EEIG2: variants seen among roughly 807,000 people sequenced by gnomAD.
EEIG2 encodes family with sequence similarity 102 member B.
the EEIG2 span, among the ~76,000 whole-genome samples, chr1:108,613,740 T>TTCTCTATA: frequency 3.7e-4 from 57 of 152,070 alleles, no homozygotes; most frequent in Non-Finnish European, 6.6e-4. Context: ...CTCACAGTTT[T>TTCTCTATA]TCTCTATATC....
chr1:108,562,314 G>A, the EEIG2 span, among the ~76,000 whole-genome samples: 1 of 151,978 alleles, frequency 6.6e-6, no homozygotes, highest in African/African-American at 2.4e-5. Flanking sequence ...ATGAGCAAGG[G>A]GTATACTCCG....
At chr1:108,607,360 A>G in the EEIG2 span, among the ~76,000 whole-genome samples, 19 of 152,186 alleles carry the variant, frequency 1.2e-4, no homozygotes, top group African/African-American at 4.6e-4. Flanking sequence ...GGGTTTTCCC[A>G]TACCTTTCAT....
chr1:108,564,461 T>A, the EEIG2 span, among the ~76,000 whole-genome samples: 1 of 152,028 alleles, frequency 6.6e-6, no homozygotes, highest in East Asian at 1.9e-4. Flanking sequence ...TTGCATATGG[T>A]GGTGGAAGAT....
At chr1:108,560,487 C>T in the EEIG2 span, 1 of 1,613,500 alleles carries the variant, frequency 6.2e-7, no homozygotes, top group Non-Finnish European at 8.5e-7. Flanking sequence ...GAGCTCTCCT[C>T]AGTGCCCTTC....
At chr1:108,576,631 A>C in the EEIG2 span, among the ~76,000 whole-genome samples, 3 of 145,320 alleles carry the variant, frequency 2.1e-5, no homozygotes, top group South Asian at 2.3e-4. Context: ...TGAACTCATC[A>C]TTTTTTATGG....
the EEIG2 span, chr1:108,628,656 A>G: frequency 6.3e-7 from 1 of 1,592,712 alleles, no homozygotes. Context: ...TAAAAAGGAA[A>G]AAATGTAATT....
chr1:108,596,187 T>C, the EEIG2 span, among the ~76,000 whole-genome samples: 1 of 151,928 alleles, frequency 6.6e-6, no homozygotes, highest in Non-Finnish European at 1.5e-5. Flanking sequence ...TTTTTTTTTT[T>C]TAGCAATTAG....
the EEIG2 span, chr1:108,635,018 G>C: frequency 1.7e-6 from 2 of 1,210,646 alleles, no homozygotes; most frequent in South Asian, 2.6e-5. Context: ...AAAATACCCA[G>C]TGCCCCATCT....
the EEIG2 span, among the ~76,000 whole-genome samples, chr1:108,590,713 G>A: frequency 7.4e-3 from 1,127 of 152,094 alleles, 22 homozygotes; most frequent in African/African-American, 0.026. Context: ...AATACTATCT[G>A]GCAAACAGTT....
At chr1:108,615,898 A>G in the EEIG2 span, among the ~76,000 whole-genome samples, 1 of 152,164 alleles carries the variant, frequency 6.6e-6, no homozygotes, top group Non-Finnish European at 1.5e-5. Context: ...CAACGTGGCA[A>G]CTTGAAGGAA....
chr1:108,624,323 T>C, the EEIG2 span, among the ~76,000 whole-genome samples: 2 of 151,972 alleles, frequency 1.3e-5, no homozygotes, highest in Non-Finnish European at 2.9e-5. Flanking sequence ...AAAGGTGCTG[T>C]CCTGAGTTGA....
chr1:108,586,475 A>G, the EEIG2 span, among the ~76,000 whole-genome samples: 6 of 152,142 alleles, frequency 3.9e-5, no homozygotes, highest in Admixed American at 1.3e-4. Context: ...GAGAATAATT[A>G]CAAATTACTT....
At chr1:108,632,783 G>A in the EEIG2 span, among the ~76,000 whole-genome samples, 1 of 152,054 alleles carries the variant, frequency 6.6e-6, no homozygotes, top group Non-Finnish European at 1.5e-5. Flanking sequence ...CAGAACAGCA[G>A]AAAAGGTAGT....
the EEIG2 span, among the ~76,000 whole-genome samples, chr1:108,584,516 T>C: frequency 6.6e-6 from 1 of 152,146 alleles, no homozygotes; most frequent in Non-Finnish European, 1.5e-5. Context: ...TTGCTTTGTT[T>C]TATTTAAGTG....
the EEIG2 span, chr1:108,635,014 C>G: frequency 8.7e-7 from 1 of 1,147,082 alleles, no homozygotes; most frequent in Non-Finnish European, 1.3e-6. Flanking sequence ...TAGAAAAATA[C>G]CCAGTGCCCC....
At chr1:108,598,780 T>C in the EEIG2 span, among the ~76,000 whole-genome samples, 1 of 152,176 alleles carries the variant, frequency 6.6e-6, no homozygotes, top group Non-Finnish European at 1.5e-5. Flanking sequence ...GATTTTTAAA[T>C]TATGTTTGCT....
At chr1:108,589,664 T>C in the EEIG2 span, among the ~76,000 whole-genome samples, 4 of 152,054 alleles carry the variant, frequency 2.6e-5, no homozygotes, top group Non-Finnish European at 5.9e-5. Flanking sequence ...CCCTAAGTGT[T>C]CATGTTCCTT....
At chr1:108,628,386 C>A in the EEIG2 span, 2 of 1,612,822 alleles carry the variant, frequency 1.2e-6, no homozygotes, top group South Asian at 1.1e-5. Context: ...AGGTGATTTT[C>A]TCTGACAGGG....
the EEIG2 span, among the ~76,000 whole-genome samples, chr1:108,569,749 C>A: frequency 6.6e-6 from 1 of 152,136 alleles, no homozygotes; most frequent in African/African-American, 2.4e-5. Context: ...TTATATCAGC[C>A]AATTATGTGT....
Sources: gnomAD v4.1 joint callset for allele counts (sites outside exome capture counted in the v4.1 genomes callset) on GRCh38, gnomAD v4.1.1 for gene constraint, MANE v1.5 for transcripts, NCBI Gene and HGNC (gene_info 2026-07-23, HGNC 2026-07-21) for gene names.